The following PMFBP1 variants were observed in gnomAD, a reference collection of about 807,000 sequenced individuals.
The protein encoded by PMFBP1 is polyamine-modulated factor 1-binding protein 1.
Under a neutral mutation model 137.8 loss-of-function variants are expected in PMFBP1, and 131 were observed. That is an observed-to-expected ratio of 0.95 (90% CI 0.82 to 1.10). The LOEUF (loss-of-function observed/expected upper bound fraction) is 1.10. PMFBP1 is among the 50% of genes least tolerant of loss of function. The pLI, the probability that PMFBP1 is intolerant of heterozygous loss-of-function variation, is 0.00. For synonymous variants in PMFBP1, 490 were observed against 450.4 expected, an observed-to-expected ratio of 1.09 and a Z score of -1.11; for missense variants, 1,199 against 1,175.4, an observed-to-expected ratio of 1.02 and a Z score of -0.29.
chr16:72,228,963 G>A, the PMFBP1 span, among the ~76,000 whole-genome samples: 1 of 151,518 alleles, frequency 6.6e-6, no homozygotes, highest in African/African-American at 2.4e-5. Context: ...CCCGTAATAA[G>A]CACAGTACCC....
the PMFBP1 span, among the ~76,000 whole-genome samples, chr16:72,212,196 T>C: frequency 6.6e-6 from 1 of 152,006 alleles, no homozygotes; most frequent in Non-Finnish European, 1.5e-5. Flanking sequence ...TTTTATTTAT[T>C]AGAAGGTCCA....
At chr16:72,132,649 G>C in intron 10 of PMFBP1, 99 bp downstream of exon 10, 1 of 1,555,732 alleles carries the variant, frequency 6.4e-7, no homozygotes, top group Non-Finnish European at 8.7e-7. Flanking sequence ...CTGGAGGAGG[G>C]CGAGGGGAAG....
chr16:72,233,018 T>C, the PMFBP1 span, among the ~76,000 whole-genome samples: 5 of 152,064 alleles, frequency 3.3e-5, no homozygotes, highest in Admixed American at 1.3e-4. Flanking sequence ...TCAGAAAACA[T>C]AAAAACTTAC....
At chr16:72,131,583 G>A (rs558677160) in intron 10 of PMFBP1, among the ~76,000 whole-genome samples, 2 of 152,312 alleles carry the variant, frequency 1.3e-5, no homozygotes, top group South Asian at 4.1e-4. Context: ...CTACACAGAG[G>A]AGGGAGCTCA....
At chr16:72,173,628 T>C (rs915671811), upstream of PMFBP1, among the ~76,000 whole-genome samples, 18 of 152,306 alleles carry the variant, frequency 1.2e-4, no homozygotes, top group African/African-American at 4.3e-4. Context: ...AGCAGGCAGT[T>C]TGGAAGGGCT....
chr16:72,182,073 G>A, the PMFBP1 span, among the ~76,000 whole-genome samples: 2 of 152,220 alleles, frequency 1.3e-5, no homozygotes, highest in Non-Finnish European at 2.9e-5. Context: ...ATGGGCCGCT[G>A]ATTAGACAAG....
intron 3 of PMFBP1, chr16:72,164,330 C>T: frequency 9.4e-7 from 1 of 1,066,310 alleles, no homozygotes; most frequent in Non-Finnish European, 1.3e-6. Flanking sequence ...GACGCAGGTG[C>T]AGCAATAAAG....
the PMFBP1 span, among the ~76,000 whole-genome samples, chr16:72,234,572 C>T: frequency 5.9e-5 from 9 of 152,154 alleles, no homozygotes; most frequent in African/African-American, 1.2e-4. Flanking sequence ...CACCCTCTTA[C>T]GAATAATTAT....
rs751610304 is a variant in PMFBP1, at chr16:72,119,935, C to T, written c.2923G>A (p.Gly975Ser). The stretch of plus-strand genomic sequence containing the variant: ...GGCAACCCCTTCCAGCCCAAGGTGC[C>T]GCACACTTTCTCCCTCTGTGTGGAC... ...TESTQREKVC[G>S]TLGWKGLPQD... The change falls in exon 20 of 21, where the codon GGC becomes AGC. Residue 975 changes from glycine to serine, a missense_variant. Coordinates refer to ENST00000237353, the MANE Select transcript of PMFBP1 (RefSeq NM_031293.3). 51 of 1,614,064 alleles carry T rather than the reference C, an allele frequency of 3.2e-5. No homozygotes were observed. Among genetic ancestry groups the T allele is most frequent in the East Asian group, 2.2e-4 (10 of 44,892 alleles).
the PMFBP1 span, among the ~76,000 whole-genome samples, chr16:72,191,203 A>G: frequency 6.6e-6 from 1 of 152,210 alleles, no homozygotes; most frequent in East Asian, 1.9e-4. Flanking sequence ...CAGATTCTGT[A>G]TTTTATTAAA....
intron 3 of PMFBP1, among the ~76,000 whole-genome samples, chr16:72,163,834 C>T (rs2043099918): frequency 6.6e-6 from 1 of 151,152 alleles, no homozygotes; most frequent in Non-Finnish European, 1.5e-5. Context: ...GGAAACCAAA[C>T]ATCATATGTT....
chr16:72,229,977 C>T, the PMFBP1 span, among the ~76,000 whole-genome samples: 1 of 152,188 alleles, frequency 6.6e-6, no homozygotes, highest in African/African-American at 2.4e-5. Context: ...GAGGTACACA[C>T]CGCTGAAGGC....
chr16:72,176,322 C>T (rs921238807), upstream of PMFBP1, among the ~76,000 whole-genome samples: 3 of 152,218 alleles, frequency 2.0e-5, no homozygotes, highest in African/African-American at 7.2e-5. Context: ...CCCTGGCTCT[C>T]TTCTTTGCTA....
chr16:72,129,644 A>C (rs1017976665), intron 12 of PMFBP1, among the ~76,000 whole-genome samples: 1 of 152,246 alleles, frequency 6.6e-6, no homozygotes, highest in African/African-American at 2.4e-5. Context: ...TTAAAAAATA[A>C]ATAAATTGAT....
chr16:72,193,661 T>C, the PMFBP1 span, among the ~76,000 whole-genome samples: 1 of 151,234 alleles, frequency 6.6e-6, no homozygotes, highest in Admixed American at 6.6e-5. Context: ...TGATACCTAC[T>C]ATGAAGAACT....
chr16:72,130,332 C>T lies in PMFBP1; in HGVS notation c.1663G>A (p.Glu555Lys). ...AGCTTCCTCAGGGCTTCAGAGAGTT[C>T]TAATGACAGCTCCTCCACCCGTTTT... ...NRKRVEELSL[E>K]LSEALRKLEN... The change falls in exon 12 of 21, where the codon GAA (glutamate) becomes AAA (lysine). Residue 555 changes from glutamate to lysine, a missense_variant. Glu to Lys is a moderately conservative substitution (Grantham distance 56). Coordinates refer to ENST00000237353, the MANE Select transcript of PMFBP1 (RefSeq NM_031293.3). 1 of 1,614,210 alleles carries T rather than the reference C, an allele frequency of 6.2e-7. No homozygotes were observed. Among genetic ancestry groups the T allele is most frequent in the Non-Finnish European group, 8.5e-7 (1 of 1,180,038 alleles).
chr16:72,203,576 C>T, the PMFBP1 span, among the ~76,000 whole-genome samples: 25 of 152,180 alleles, frequency 1.6e-4, no homozygotes, highest in African/African-American at 5.3e-4. Context: ...GCTGTTTCTC[C>T]GGCAGCACCA....
chr16:72,153,887 T>C (rs527433767), intron 4 of PMFBP1, among the ~76,000 whole-genome samples: 1 of 148,374 alleles, frequency 6.7e-6, no homozygotes, highest in East Asian at 2.0e-4. Flanking sequence ...TGCATTTACA[T>C]TGCAATGGTA....
At chr16:72,206,498 T>C in the PMFBP1 span, among the ~76,000 whole-genome samples, 1 of 152,218 alleles carries the variant, frequency 6.6e-6, no homozygotes, top group African/African-American at 2.4e-5. Context: ...CTGAAATGCA[T>C]ACGGCCTTTG....
Sources: allele counts gnomAD v4.1 joint callset (sites outside exome capture counted in the v4.1 genomes callset), GRCh38; gene constraint gnomAD v4.1.1; transcripts MANE v1.5; gene names NCBI Gene and HGNC (gene_info 2026-07-23, HGNC 2026-07-21).